The following KIF1B variants were observed in gnomAD, a reference collection of about 807,000 sequenced individuals.
KIF1B encodes kinesin family member 1B, also known as kinesin-like protein KIF1B.
Under a neutral mutation model 241.9 loss-of-function variants are expected in KIF1B, and 76 were observed. The observed-to-expected ratio is 0.31, with a 90% CI of 0.26 to 0.38. The LOEUF is 0.38. KIF1B is among the 10% of genes least tolerant of loss of function. The pLI, the probability that KIF1B is intolerant of heterozygous loss-of-function variation, is 1.00. For synonymous variants in KIF1B, 750 were observed against 796.7 expected (o/e 0.94, Z 0.99); for missense variants, 1,622 against 2,271.4 (o/e 0.71, Z 5.81).
intron 1 of KIF1B, 142 bp from the exon 2 acceptor site, chr1:10,232,108 G>T: frequency 9.9e-6 from 5 of 503,472 alleles, no homozygotes; most frequent in South Asian, 2.1e-5. Flanking sequence ...CAAAACAAAA[G>T]ATTTGCACGG....
intron 10 of KIF1B, among the ~76,000 whole-genome samples, chr1:10,273,750 A>T (rs894237053): frequency 1.4e-5 from 2 of 140,782 alleles, no homozygotes; most frequent in African/African-American, 2.6e-5. Context: ...CCCAACAAAC[A>T]CCACAAGACT....
chr1:10,362,728 C>T (rs1213902046), intron 40 of KIF1B, among the ~76,000 whole-genome samples: 1 of 151,932 alleles, frequency 6.6e-6, no homozygotes, highest in African/African-American at 2.4e-5. Flanking sequence ...TTTAAATTTT[C>T]TAGTTTATCA....
chr1:10,233,909 T>C (rs1229169704), intron 2 of KIF1B, among the ~76,000 whole-genome samples: 1 of 152,068 alleles, frequency 6.6e-6, no homozygotes, highest in East Asian at 1.9e-4. Context: ...CGCAAAGTGC[T>C]GGGATTACAG....
At chr1:10,283,863 C>T (rs942437040) in intron 15 of KIF1B, among the ~76,000 whole-genome samples, 3 of 152,156 alleles carry the variant, frequency 2.0e-5, no homozygotes, top group Non-Finnish European at 1.5e-5. Context: ...CATGCAAGGA[C>T]GATAGAGAAC....
intron 1 of KIF1B, among the ~76,000 whole-genome samples, chr1:10,212,929 T>TAC (rs1553159290): frequency 4.3e-4 from 35 of 80,836 alleles, no homozygotes; most frequent in African/African-American, 1.9e-3. Flanking sequence ...TATATATATA[T>TAC]ATACACACAC....
intron 22 of KIF1B, among the ~76,000 whole-genome samples, chr1:10,298,019 A>G (rs184282550): frequency 3.3e-5 from 5 of 152,374 alleles, no homozygotes; most frequent in Admixed American, 6.5e-5. Context: ...TGAATAAATA[A>G]GTTGATCCAT....
chr1:10,260,161 G>A (rs929600427), intron 4 of KIF1B, among the ~76,000 whole-genome samples: 2 of 152,136 alleles, frequency 1.3e-5, no homozygotes, highest in African/African-American at 2.4e-5. Flanking sequence ...TGTATAGCCT[G>A]TTGCTCCAAG....
intron 2 of KIF1B, among the ~76,000 whole-genome samples, chr1:10,254,901 G>T (rs113147491): frequency 3.5e-5 from 4 of 114,730 alleles, no homozygotes; most frequent in African/African-American, 1.0e-4. Context: ...AAAAAAAAAA[G>T]CTGCTTTCAA....
chr1:10,349,848 T>C (rs1185053936), intron 37 of KIF1B, among the ~76,000 whole-genome samples: 2 of 152,200 alleles, frequency 1.3e-5, no homozygotes, highest in Non-Finnish European at 2.9e-5. Flanking sequence ...TTTTCAAATG[T>C]GAGAAATAAA....
intron 1 of KIF1B, among the ~76,000 whole-genome samples, chr1:10,212,313 A>T (rs118006296): frequency 6.6e-6 from 1 of 152,188 alleles, no homozygotes; most frequent in African/African-American, 2.4e-5. Context: ...TTTCTGATTA[A>T]GTTGATATGG....
chr1:10,250,341 C>T lies in KIF1B; in HGVS notation c.107-5906C>T, dbSNP rs868242636. 4.2e-3 allele frequency among the ~76,000 whole-genome samples: 598 copies of T among 143,068 alleles called. 7 individuals are homozygous for T. The highest frequency in any genetic ancestry group is 0.015 in the African/African-American group (565 of 38,840). 93.9% of individuals were successfully genotyped at this position (143,068 alleles called of 152,430 possible). A position where few individuals can be genotyped will look rare whatever the true frequency, so the allele number is the denominator to read the frequency against. On this transcript the variant is annotated intron_variant, in intron 2 of 48. Coordinates refer to ENST00000676179, the MANE Select transcript of KIF1B (RefSeq NM_001365951.3). ...AACACCTAAATACAGTATTTCTTAACTTTTTTTTTTTTTTTGAAACGGAGC... is the reference window on the plus strand; with the variant it reads ...AACACCTAAATACAGTATTTCTTAATTTTTTTTTTTTTTTTGAAACGGAGC...
At position 10,216,182 on chromosome 1, in the gene KIF1B, C is replaced by T. The variant is rs767938016; in HGVS notation, c.-80+5304C>T. 4.6e-5 allele frequency among the ~76,000 whole-genome samples: 7 copies of T among 152,118 alleles called. No individual in the cohort carries two copies. The East Asian group carries it at 5.8e-4, about 13-fold the overall frequency. On this transcript the variant is annotated intron_variant, in intron 1 of 48. Coordinates refer to ENST00000676179, the MANE Select transcript of KIF1B (RefSeq NM_001365951.3). ...TATGCTGAGTTTCCTTTGTAACTAC[C>T]GTTAACTGTGAAATTTCTTGAATTG...
chr1:10,360,090 T>G (rs2102343590), intron 38 of KIF1B, among the ~76,000 whole-genome samples: 1 of 152,142 alleles, frequency 6.6e-6, no homozygotes, highest in South Asian at 2.1e-4. Flanking sequence ...TCTCTATACT[T>G]AAACCCATCT....
Position 10,376,738 on chromosome 1 carries a change from G to A in KIF1B, c.*151G>A, listed in dbSNP as rs927029542. 98 of 768,894 alleles carry A rather than the reference G, an allele frequency of 1.3e-4. No individual in the cohort carries two copies. Among genetic ancestry groups the A allele is most frequent in the Middle Eastern group, 2.3e-4 (1 of 4,322 alleles). The allele number at this position is 768,894 out of a possible 1,614,324, so 47.6% of individuals were successfully genotyped here. ...TGTCCAGCACTTTTCTAGCTCTCCC[G>A]TTCCCCATCTCCATTGCTCTGTACT... On this transcript the variant is annotated 3_prime_UTR_variant, in exon 49 of 49. Transcript: ENST00000676179.
Position 10,326,106 on chromosome 1 carries a change from T to G in KIF1B, c.2676-5T>G, listed in dbSNP as rs1343260928. ...GTGTTAATTGGCGTCTTACCTGGTGTCTAGCTCCCCCATTTTCCACGGCTG... is the reference window on the plus strand; with the variant it reads ...GTGTTAATTGGCGTCTTACCTGGTGGCTAGCTCCCCCATTTTCCACGGCTG... On this transcript the variant is annotated splice_region_variant and splice_polypyrimidine_tract_variant and intron_variant, in intron 26 of 48. Coordinates refer to ENST00000676179, the MANE Select transcript of KIF1B (RefSeq NM_001365951.3). The surrounding 1 kb of genome is among the most constrained non-coding windows in gnomAD (Gnocchi z 5.2). The G allele has an allele frequency of 1.9e-6, 3 of 1,614,036 alleles. No homozygotes were observed. The highest frequency in any genetic ancestry group is 2.5e-6 in the Non-Finnish European group (3 of 1,180,018).
intron 22 of KIF1B, among the ~76,000 whole-genome samples, chr1:10,311,874 G>A (rs942622493): frequency 6.6e-6 from 1 of 151,446 alleles, no homozygotes; most frequent in Admixed American, 6.6e-5. Flanking sequence ...TGTATTACAT[G>A]TATTAATACA....
chr1:10,282,637 T>C, intron 15 of KIF1B, 104 bp downstream of exon 15: 1 of 960,926 alleles, frequency 1.0e-6, no homozygotes, highest in Non-Finnish European at 1.7e-6. Flanking sequence ...TGGAGAACTC[T>C]TTGACTCTTA....
intron 16 of KIF1B, 127 bp from the exon 17 acceptor site, chr1:10,291,920 G>A: frequency 1.3e-6 from 1 of 750,650 alleles, no homozygotes; most frequent in East Asian, 2.5e-5. Context: ...ATTATTTTAT[G>A]TTTGCATTAT....
intron 14 of KIF1B, 55 bp downstream of exon 14, chr1:10,279,193 T>C: frequency 8.3e-7 from 1 of 1,201,630 alleles, no homozygotes; most frequent in Non-Finnish European, 1.2e-6. Context: ...AATCTGCCTC[T>C]GCTGGATCAG....
Sources: gnomAD v4.1 joint callset for allele counts (sites outside exome capture counted in the v4.1 genomes callset) on GRCh38, gnomAD v4.1.1 for gene constraint, Gnocchi (gnomAD v3.1) non-coding constraint, MANE v1.5 for transcripts, NCBI Gene and HGNC (gene_info 2026-07-23, HGNC 2026-07-21) for gene names.